ITGBL1: variants seen among roughly 807,000 people sequenced by gnomAD.
The protein encoded by ITGBL1 is integrin beta-like protein 1.
A neutral mutation model predicts 68.5 loss-of-function variants in ITGBL1; 51 were observed. That is an observed-to-expected ratio of 0.74 (90% CI 0.59 to 0.94). The LOEUF (loss-of-function observed/expected upper bound fraction) is 0.94, where lower values mean the gene tolerates loss of function less well. ITGBL1 is among the 40% of genes least tolerant of loss of function. ITGBL1 has a pLI of 0.00. For synonymous variants in ITGBL1, 209 were observed against 227.3 expected (o/e 0.92, Z 0.72); for missense variants, 649 against 647.4 (o/e 1.00, Z -0.03).
intron 8 of ITGBL1, among the ~76,000 whole-genome samples, chr13:101,693,895 A>C (rs1356510399): frequency 6.6e-6 from 1 of 151,580 alleles, no homozygotes; most frequent in Non-Finnish European, 1.5e-5. Flanking sequence ...GATATAAAAA[A>C]CTCCCACATG....
rs181047093 is a variant in ITGBL1, at chr13:101,601,808, A to T, written c.1015+3509A>T. On this transcript the variant is annotated intron_variant, in intron 7 of 10. Transcript: ENST00000376180. ...GCACTGTGGTCTGAGAGACAGTTTG[A>T]TATAATTTCTGTTCTTTTACATTTG... Among the ~76,000 whole-genome samples the T allele has an allele frequency of 6.6e-3, 1,004 of 151,914 alleles. 14 individuals are homozygous for T. The highest frequency in any genetic ancestry group is 0.023 in the African/African-American group (955 of 41,494).
At chr13:101,659,400 T>C (rs552191309) in intron 7 of ITGBL1, among the ~76,000 whole-genome samples, 38 of 152,316 alleles carry the variant, frequency 2.5e-4, no homozygotes, top group Admixed American at 1.8e-3. Flanking sequence ...TTAATTAAGA[T>C]CGTTCTCCCA....
intron 7 of ITGBL1, among the ~76,000 whole-genome samples, chr13:101,629,546 T>C (rs549561538): frequency 3.0e-4 from 46 of 152,314 alleles, no homozygotes; most frequent in Non-Finnish European, 1.0e-4. Flanking sequence ...TCATTTGTTC[T>C]TCATCTATTT....
intron 7 of ITGBL1, among the ~76,000 whole-genome samples, chr13:101,608,192 G>T (rs1327789487): frequency 6.6e-6 from 1 of 151,974 alleles, no homozygotes; most frequent in Non-Finnish European, 1.5e-5. Context: ...AATGAATTAA[G>T]AATTGTTTCA....
intron 2 of ITGBL1, among the ~76,000 whole-genome samples, chr13:101,492,843 A>G (rs2048800236): frequency 6.6e-6 from 1 of 152,210 alleles, no homozygotes; most frequent in Non-Finnish European, 1.5e-5. Flanking sequence ...CCAAAGCCGA[A>G]TATTAACTCT....
At chr13:101,509,187 A>G (rs187288665) in intron 2 of ITGBL1, among the ~76,000 whole-genome samples, 15 of 152,236 alleles carry the variant, frequency 9.9e-5, no homozygotes, top group African/African-American at 3.1e-4. Flanking sequence ...GGATGGTGGC[A>G]GGCAAAGAGA....
chr13:101,674,462 C>T (rs934144017), intron 7 of ITGBL1, among the ~76,000 whole-genome samples: 7 of 152,032 alleles, frequency 4.6e-5, no homozygotes, highest in Non-Finnish European at 1.0e-4. Flanking sequence ...AAGATGAAAC[C>T]TTTCAATATT....
chr13:101,453,292 A>G lies in ITGBL1; in HGVS notation c.98+361A>G, dbSNP rs377099387. On this transcript the variant is annotated intron_variant, in intron 1 of 10. Coordinates refer to ENST00000376180, the MANE Select transcript of ITGBL1 (RefSeq NM_004791.3). ...GGCAGCAACAGGAGGTCTGTGTTAC[A>G]TTTTGTATCATCCTGAAAGAGACTG... Among the ~76,000 whole-genome samples, 6 of 152,320 alleles carry G rather than the reference A, an allele frequency of 3.9e-5. No homozygotes were observed. In the East Asian group the frequency reaches 9.7e-4, roughly 25 times the overall value.
intron 2 of ITGBL1, among the ~76,000 whole-genome samples, chr13:101,552,406 C>T (rs2049935667): frequency 6.6e-6 from 1 of 152,042 alleles, no homozygotes; most frequent in Non-Finnish European, 1.5e-5. Context: ...CTTTGTAAAT[C>T]TTGTGAGCTA....
At chr13:101,695,103 G>A (rs2033972496) in intron 8 of ITGBL1, among the ~76,000 whole-genome samples, 1 of 152,098 alleles carries the variant, frequency 6.6e-6, no homozygotes, top group African/African-American at 2.4e-5. Flanking sequence ...GATTCAATGG[G>A]AATATACATA....
chr13:101,644,104 G>A (rs567893966), intron 7 of ITGBL1, among the ~76,000 whole-genome samples: 1 of 152,166 alleles, frequency 6.6e-6, no homozygotes, highest in Admixed American at 6.5e-5. Context: ...AAGGATGCAT[G>A]CTTGGCCCTC....
chr13:101,615,770 C>A (rs1051248119), intron 7 of ITGBL1, among the ~76,000 whole-genome samples: 2 of 152,018 alleles, frequency 1.3e-5, no homozygotes, highest in Non-Finnish European at 2.9e-5. Flanking sequence ...GCCGGGAAGA[C>A]AGAGACCATG....
At chr13:101,492,856 C>A (rs2048800491) in intron 2 of ITGBL1, among the ~76,000 whole-genome samples, 1 of 152,188 alleles carries the variant, frequency 6.6e-6, no homozygotes. Context: ...TTAACTCTTT[C>A]TTTCTTCGCA....
intron 7 of ITGBL1, among the ~76,000 whole-genome samples, chr13:101,643,733 A>AG (rs1220885269): frequency 2.6e-5 from 4 of 152,148 alleles, no homozygotes; most frequent in Non-Finnish European, 4.4e-5. Flanking sequence ...GATCCACTGT[A>AG]GGGGCTGGGA....
intron 2 of ITGBL1, among the ~76,000 whole-genome samples, chr13:101,546,615 G>T (rs2049829215): frequency 6.6e-6 from 1 of 151,870 alleles, no homozygotes; most frequent in Admixed American, 6.6e-5. Flanking sequence ...AAGGTGAAAA[G>T]CAACAGACAA....
chr13:101,709,809 G>A (rs2034381038), intron 9 of ITGBL1, among the ~76,000 whole-genome samples: 1 of 152,162 alleles, frequency 6.6e-6, no homozygotes, highest in Non-Finnish European at 1.5e-5. Flanking sequence ...CTGTCCAACT[G>A]CGAGTACAGG....
At chr13:101,662,557 C>T (rs542529433) in intron 7 of ITGBL1, among the ~76,000 whole-genome samples, 16 of 152,174 alleles carry the variant, frequency 1.1e-4, no homozygotes, top group African/African-American at 3.4e-4. Context: ...TTTGGTTGTT[C>T]TTACTTTTCC....
intron 6 of ITGBL1, among the ~76,000 whole-genome samples, chr13:101,597,643 C>A (rs532747126): frequency 6.6e-6 from 1 of 152,046 alleles, no homozygotes; most frequent in East Asian, 1.9e-4. Flanking sequence ...TGTCTGCCCC[C>A]CTGGGTTCAA....
At chr13:101,672,566 G>A (rs1185278975) in intron 7 of ITGBL1, among the ~76,000 whole-genome samples, 1 of 152,070 alleles carries the variant, frequency 6.6e-6, no homozygotes, top group Non-Finnish European at 1.5e-5. Context: ...TAAGATTAGG[G>A]TGGGGCGACC....
Sources: gnomAD v4.1 joint callset for allele counts (sites outside exome capture counted in the v4.1 genomes callset) on GRCh38, gnomAD v4.1.1 for gene constraint, MANE v1.5 for transcripts, NCBI Gene and HGNC (gene_info 2026-07-23, HGNC 2026-07-21) for gene names.